Variants in ADAMTSL1 observed in about 807,000 individuals in gnomAD.
The protein encoded by ADAMTSL1 is ADAMTS-like protein 1.
Under a neutral mutation model 201.8 loss-of-function variants are expected in ADAMTSL1, and 126 were observed. That is an observed-to-expected ratio of 0.62 (90% CI 0.54 to 0.72). ADAMTSL1 has a LOEUF of 0.72. Among genes scored for constraint, ADAMTSL1 ranks in the 30% least tolerant of loss-of-function variants. ADAMTSL1 has a pLI of 0.00. For synonymous variants in ADAMTSL1, 1,121 were observed against 903.4 expected (o/e 1.24, Z -4.32); for missense variants, 2,679 against 2,277.8 (o/e 1.18, Z -3.59).
At chr9:18,116,435 G>C (rs1825251785) in intron 1 of ADAMTSL1, among the ~76,000 whole-genome samples, 1 of 152,148 alleles carries the variant, frequency 6.6e-6, no homozygotes, top group Admixed American at 6.6e-5. Context: ...AATAAGACTT[G>C]TGTTTCTGAC....
rs201510062 is a variant in ADAMTSL1, at chr9:18,889,722, G to C, written c.4617G>C (p.Ala1539=). 6.5e-7 allele frequency: 1 copy of C among 1,536,398 alleles called. No homozygotes were observed. Among genetic ancestry groups the C allele is most frequent in the Non-Finnish European group, 8.8e-7 (1 of 1,140,730 alleles). The part of the protein sequence containing the change: ...GKVRPAVQPI[A]CNRRDCPSRW... ...TTCGCCCTGCGGTGCAGCCCATCGC[G>C]TGCAACCGGAGAGACTGCCCTTCTC... The change falls in exon 25 of 29, where the codon GCG becomes GCC. Residue 1539 remains alanine, a synonymous_variant. Transcript: ENST00000380548.
intron 2 of ADAMTSL1, among the ~76,000 whole-genome samples, chr9:18,508,906 C>T (rs938323856): frequency 3.1e-5 from 3 of 95,416 alleles, no homozygotes; most frequent in East Asian, 4.0e-4. Context: ...AAATAGAGGC[C>T]GGGCGCGGTG....
At chr9:18,147,895 C>G (rs1826717465) in intron 1 of ADAMTSL1, among the ~76,000 whole-genome samples, 1 of 152,058 alleles carries the variant, frequency 6.6e-6, no homozygotes, top group Admixed American at 6.6e-5. Context: ...GCTTTTATCT[C>G]CATATTGGAG....
At chr9:18,644,125 T>G (rs2132841519) in intron 7 of ADAMTSL1, among the ~76,000 whole-genome samples, 1 of 152,112 alleles carries the variant, frequency 6.6e-6, no homozygotes, top group Non-Finnish European at 1.5e-5. Context: ...TGGGGGTTTT[T>G]GGTAGGTATT....
intron 1 of ADAMTSL1, among the ~76,000 whole-genome samples, chr9:18,486,618 T>C (rs531505000): frequency 7.2e-5 from 11 of 152,222 alleles, no homozygotes; most frequent in Middle Eastern, 3.4e-3. Context: ...GGTGGGAGGA[T>C]TGCTTGAGCT....
intron 2 of ADAMTSL1, among the ~76,000 whole-genome samples, chr9:18,412,398 A>T (rs866768810): frequency 3.9e-5 from 6 of 152,280 alleles, no homozygotes; most frequent in Middle Eastern, 3.4e-3. Flanking sequence ...ATTATTACCC[A>T]CATGTATTAT....
chr9:18,127,293 C>T (rs1825769485), intron 1 of ADAMTSL1, among the ~76,000 whole-genome samples: 1 of 152,234 alleles, frequency 6.6e-6, no homozygotes, highest in East Asian at 1.9e-4. Flanking sequence ...ACCTAGACCA[C>T]CTGATGGATT....
At chr9:18,736,956 C>T (rs1305129006) in intron 15 of ADAMTSL1, among the ~76,000 whole-genome samples, 3 of 152,248 alleles carry the variant, frequency 2.0e-5, no homozygotes, top group East Asian at 1.9e-4. Context: ...GAAATAGATG[C>T]ATTTTCTGAA....
intron 23 of ADAMTSL1, among the ~76,000 whole-genome samples, chr9:18,856,091 A>G (rs902642123): frequency 2.6e-5 from 4 of 152,238 alleles, no homozygotes; most frequent in Non-Finnish European, 5.9e-5. Context: ...GGTTCATGAT[A>G]GTTCGTAAAA....
chr9:18,375,517 C>G (rs757806545), intron 2 of ADAMTSL1, among the ~76,000 whole-genome samples: 27 of 152,102 alleles, frequency 1.8e-4, no homozygotes, highest in Non-Finnish European at 2.5e-4. Context: ...TATACACGAT[C>G]AAACAAAAAT....
At chr9:18,801,213 A>G (rs930892094) in intron 20 of ADAMTSL1, among the ~76,000 whole-genome samples, 3 of 152,242 alleles carry the variant, frequency 2.0e-5, no homozygotes, top group Non-Finnish European at 2.9e-5. Flanking sequence ...AGTAGTCACA[A>G]TGTTGACCCT....
chr9:18,467,655 T>C (rs190707320), intron 2 of ADAMTSL1, among the ~76,000 whole-genome samples: 132 of 152,252 alleles, frequency 8.7e-4, no homozygotes, highest in Middle Eastern at 3.4e-3. Context: ...GTCAAAAATA[T>C]AAATTTTAGC....
chr9:17,959,733 G>A (rs1238974446), intron 1 of ADAMTSL1, among the ~76,000 whole-genome samples: 1 of 152,178 alleles, frequency 6.6e-6, no homozygotes, highest in Non-Finnish European at 1.5e-5. Context: ...TGGGATTATA[G>A]GAGCAAGCCA....
chr9:18,281,844 A>T (rs1234520562), intron 2 of ADAMTSL1, among the ~76,000 whole-genome samples: 2 of 152,212 alleles, frequency 1.3e-5, no homozygotes, highest in African/African-American at 4.8e-5. Context: ...TGCTGGGATT[A>T]TAGGCATGAG....
intron 3 of ADAMTSL1, among the ~76,000 whole-genome samples, chr9:18,567,498 G>A (rs10756975): frequency 0.24 from 37,173 of 152,022 alleles, 4,978 homozygotes; most frequent in East Asian, 0.6. Context: ...AGAGTATAGA[G>A]TTGACATTGG....
intron 1 of ADAMTSL1, among the ~76,000 whole-genome samples, chr9:18,130,917 G>C (rs1825925161): frequency 6.6e-6 from 1 of 152,070 alleles, no homozygotes; most frequent in Non-Finnish European, 1.5e-5. Context: ...TTGAAAAGTA[G>C]TTGCCATTCC....
intron 2 of ADAMTSL1, among the ~76,000 whole-genome samples, chr9:18,236,914 C>T (rs1022673072): frequency 1.3e-5 from 2 of 152,142 alleles, no homozygotes; most frequent in East Asian, 1.9e-4. Context: ...GATTTATGTG[C>T]ACCTACAATT....
chr9:18,438,840 TGCA>T, intron 2 of ADAMTSL1, among the ~76,000 whole-genome samples: 1 of 152,086 alleles, frequency 6.6e-6, no homozygotes, highest in East Asian at 1.9e-4. Context: ...AGAGGCTCAT[TGCA>T]CCACGTGCAT....
At chr9:17,990,411 A>C (rs1819105783) in intron 1 of ADAMTSL1, among the ~76,000 whole-genome samples, 1 of 152,068 alleles carries the variant, frequency 6.6e-6, no homozygotes, top group South Asian at 2.1e-4. Flanking sequence ...TAATTAAGTC[A>C]GTTTGTTGCC....
Sources: allele counts gnomAD v4.1 joint callset (sites outside exome capture counted in the v4.1 genomes callset), GRCh38; gene constraint gnomAD v4.1.1; transcripts MANE v1.5; gene names NCBI Gene and HGNC (gene_info 2026-07-23, HGNC 2026-07-21).